The following TDRD6 variants were observed in gnomAD, a reference collection of about 807,000 sequenced individuals.
The protein encoded by TDRD6 is tudor domain containing 6, also known as tudor domain-containing protein 6.
A neutral mutation model predicts 157.5 loss-of-function variants in TDRD6; 186 were observed. That is an observed-to-expected ratio of 1.18 (90% CI 1.05 to 1.33). The LOEUF is 1.33. Ranked by LOEUF, TDRD6 falls within the 40% of genes most tolerant of loss-of-function variation. TDRD6 has a pLI of 0.00. For missense variants in TDRD6, 3,066 were observed against 2,508.0 expected (o/e 1.22, Z -4.75); for synonymous variants, 1,075 against 945.2 (o/e 1.14, Z -2.52).
Position 46,692,116 on chromosome 6 carries a change from G to C in TDRD6, c.3988G>C (p.Glu1330Gln). ...FYVQLIEDEA[E>Q]ISHLSERLNS... ...TGTTCAACTAATAGAAGATGAAGCT[G>C]AAATTAGTCATCTTTCAGAGAGATT... Residue 1330 changes from glutamate to glutamine, a missense_variant, in exon 1 of 4, where the codon GAA (glutamate) becomes CAA (glutamine). Glu to Gln is a conservative substitution (Grantham distance 29, BLOSUM62 2). Transcript: ENST00000316081. 6.2e-7 allele frequency: 1 copy of C among 1,613,508 alleles called. No homozygotes were observed. The highest frequency in any genetic ancestry group is 1.3e-5 in the African/African-American group (1 of 74,982).
At position 46,702,581 on chromosome 6, in the gene TDRD6, T is replaced by G. The variant is rs1296127680; in HGVS notation, c.*694T>G. 1 of 152,174 alleles carries G rather than the reference T, an allele frequency of 6.6e-6. No homozygotes were observed. Among genetic ancestry groups the G allele is most frequent in the African/African-American group, 2.4e-5 (1 of 41,452 alleles). 9.4% of individuals were successfully genotyped at this position (152,174 alleles called of 1,614,324 possible). A position where few individuals can be genotyped will look rare whatever the true frequency, so the allele number is the denominator to read the frequency against. On this transcript the variant is annotated 3_prime_UTR_variant, in exon 4 of 4. Transcript: ENST00000316081. ...TAGCTTATACTTTAAATGCATTTTTTCACTTTATTCATCAACTTTGAAGTG... is the reference window on the plus strand; with the variant it reads ...TAGCTTATACTTTAAATGCATTTTTGCACTTTATTCATCAACTTTGAAGTG...
At position 46,691,745 on chromosome 6, in the gene TDRD6, A is replaced by G; in HGVS notation, c.3617A>G (p.Lys1206Arg). The G allele has an allele frequency of 6.3e-7, 1 of 1,592,220 alleles. No individual in the cohort carries two copies. Among genetic ancestry groups the G allele is most frequent in the African/African-American group, 1.4e-5 (1 of 73,352 alleles). ...SKSVGYKLPN[K>R]EILEESYKPQ... ...TCAGTAGGGTACAAGTTACCTAATA[A>G]AGAAATTTTGGAAGAGTCATATAAA... The change falls in exon 1 of 4, where the codon AAA (lysine) becomes AGA (arginine). Residue 1206 changes from lysine to arginine, a missense_variant. Coordinates refer to ENST00000316081, the MANE Select transcript of TDRD6 (RefSeq NM_001010870.3).
At position 46,694,051 on chromosome 6, in the gene TDRD6, T is replaced by G. The variant is rs141487355; in HGVS notation, c.5923T>G (p.Cys1975Gly). 4.2e-5 allele frequency: 67 copies of G among 1,613,944 alleles called. No homozygotes were observed. In the African/African-American group the frequency reaches 8.3e-4, roughly 20 times the overall value. ...TAAAACACAGAATGAAATGAATATA[T>G]GTGAAGAAGAATTTGTAGAGTATAA... ...DPKTQNEMNI[C>G]EEEFVEYKNR... is the part of the protein sequence containing the mutation. Residue 1975 changes from cysteine (C) to glycine (G), a missense_variant, in exon 1 of 4, where the codon TGT (cysteine) becomes GGT (glycine). Cys to Gly is a radical substitution (Grantham distance 159, BLOSUM62 -3). Coordinates refer to ENST00000316081, the MANE Select transcript of TDRD6 (RefSeq NM_001010870.3).
chr6:46,690,958 T>C lies in TDRD6; in HGVS notation c.2830T>C (p.Phe944Leu), dbSNP rs1764296700. 4.3e-6 allele frequency: 7 copies of C among 1,614,140 alleles called. No individual in the cohort carries two copies. In the East Asian group the frequency reaches 1.6e-4, roughly 36 times the overall value. Residue 944 changes from phenylalanine (F) to leucine (L), a missense_variant, in exon 1 of 4, where the codon TTT becomes CTT. Coordinates refer to ENST00000316081, the MANE Select transcript of TDRD6 (RefSeq NM_001010870.3). ...TAACATTGTGGATTTGCTAACCCCC[T>C]TTCAGAGTGCATGCCATTTCTTGGT... is the stretch of plus-strand genomic sequence containing the variant. Reference protein sequence around the residue: ...LFNIVDLLTPFQSACHFLVEK... With the variant: ...LFNIVDLLTPLQSACHFLVEK...
Position 46,703,170 on chromosome 6 carries a change from T to C in TDRD6, c.*1283T>C, listed in dbSNP as rs1242048059. ...TTGGAATGCTTATTTCTAAAATGAA[T>C]AGGGAAAAGGTTTGCTAAATGAGAC... is the stretch of plus-strand genomic sequence containing the variant. On this transcript the variant is annotated 3_prime_UTR_variant, in exon 4 of 4. Transcript: ENST00000316081. 3 of 152,030 alleles carry C rather than the reference T, an allele frequency of 2.0e-5. No homozygotes were observed. Among genetic ancestry groups the C allele is most frequent in the African/African-American group, 4.8e-5 (2 of 41,422 alleles). 9.4% of individuals were successfully genotyped at this position (152,030 alleles called of 1,614,324 possible).
In TDRD6 at chr6:46,701,927, C is replaced by T. The variant is rs1376540790; in HGVS notation, c.*40C>T. The stretch of plus-strand genomic sequence containing the variant: ...CTGTGGCCAATCAGTCAGAAGCTGC[C>T]CTTGAACAAGTGGCATCTTACGCAG... On this transcript the variant is annotated 3_prime_UTR_variant, in exon 4 of 4. Transcript: ENST00000316081. 1.9e-6 allele frequency: 3 copies of T among 1,606,168 alleles called. No homozygotes were observed. The Admixed American group carries it at 5.0e-5, about 27-fold the overall frequency.
chr6:46,680,362 A>G, the TDRD6 span, among the ~76,000 whole-genome samples: 327 of 151,986 alleles, frequency 2.2e-3, 1 homozygote, highest in African/African-American at 7.5e-3. Context: ...GAAGTGATTG[A>G]ACTCTAGAAT....
At chr6:46,695,271 C>T (rs1209276617) in intron 1 of TDRD6, among the ~76,000 whole-genome samples, 1 of 152,090 alleles carries the variant, frequency 6.6e-6, no homozygotes, top group African/African-American at 2.4e-5. Flanking sequence ...GTTTTAAAAA[C>T]AATTTAGATC....
In TDRD6 at chr6:46,688,524, G is replaced by C. The variant is rs1370960769; in HGVS notation, c.396G>C (p.Ala132=). 6.4e-7 allele frequency: 1 copy of C among 1,569,600 alleles called. No homozygotes were observed. Among genetic ancestry groups the C allele is most frequent in the African/African-American group, 1.3e-5 (1 of 74,210 alleles). Residue 132 remains alanine, a synonymous_variant, in exon 1 of 4, where the codon GCG becomes GCC. Coordinates refer to ENST00000316081, the MANE Select transcript of TDRD6 (RefSeq NM_001010870.3). ...LPSEVLGCVL[A]GLVPAGCGAG... ...CGGAAGTGCTGGGCTGCGTGCTAGC[G>C]GGCCTGGTGCCGGCAGGCTGCGGCG...
At position 46,692,151 on chromosome 6, in the gene TDRD6, TAAAAC is replaced by T; in HGVS notation, c.4026_4030del (p.Thr1343AlafsTer23). 1 of 1,614,124 alleles carries T rather than the reference TAAAAC, an allele frequency of 6.2e-7. No homozygotes were observed. Among genetic ancestry groups the T allele is most frequent in the Non-Finnish European group, 8.5e-7 (1 of 1,179,992 alleles). On this transcript the variant is annotated frameshift_variant, in exon 1 of 4. Coordinates refer to ENST00000316081, the MANE Select transcript of TDRD6 (RefSeq NM_001010870.3). LOFTEE classifies it high-confidence loss of function. ...ATCTTTCAGAGAGATTAAACAGTGTTAAAACAAGGCCCGAATATTATGTAGGTCCA... is the reference window on the plus strand; with the variant it reads ...ATCTTTCAGAGAGATTAAACAGTGTTAAGGCCCGAATATTATGTAGGTCCA...
intron 3 of TDRD6, among the ~76,000 whole-genome samples, chr6:46,700,208 T>A (rs1409396360): frequency 6.6e-6 from 1 of 152,190 alleles, no homozygotes; most frequent in Non-Finnish European, 1.5e-5. Flanking sequence ...CTATTTAAAG[T>A]AGACATAAAA....
chr6:46,696,577 G>A (rs879536106), intron 2 of TDRD6, among the ~76,000 whole-genome samples: 2,635 of 46,742 alleles, frequency 0.056, 49 homozygotes, highest in African/African-American at 0.098. Context: ...GTGTGTGTGT[G>A]TGTGTATATA....
At position 46,692,017 on chromosome 6, in the gene TDRD6, C is replaced by T; in HGVS notation, c.3889C>T (p.Pro1297Ser). Residue 1297 changes from proline to serine, a missense_variant, in exon 1 of 4, where the codon CCA (proline) becomes TCA (serine). Coordinates refer to ENST00000316081, the MANE Select transcript of TDRD6 (RefSeq NM_001010870.3). ...TTTGCCTCTGAAATTTTGTGAGTTC[C>T]CACAGAAGACTATAATGCCTGGATT... Reference protein sequence around the residue: ...KDLPLKFCEFPQKTIMPGFKT... With the variant: ...KDLPLKFCEFSQKTIMPGFKT... 1 of 1,613,782 alleles carries T rather than the reference C, an allele frequency of 6.2e-7. No homozygotes were observed. Among genetic ancestry groups the T allele is most frequent in the Non-Finnish European group, 8.5e-7 (1 of 1,179,904 alleles).
Position 46,702,448 on chromosome 6 carries a change from A to C in TDRD6, c.*561A>C, listed in dbSNP as rs896215082. 1 of 152,184 alleles carries C rather than the reference A, an allele frequency of 6.6e-6. No individual in the cohort carries two copies. Among genetic ancestry groups the C allele is most frequent in the Admixed American group, 6.5e-5 (1 of 15,274 alleles). 9.4% of individuals were successfully genotyped at this position (152,184 alleles called of 1,614,324 possible). The stretch of plus-strand genomic sequence containing the variant: ...CTTAATATGATGGTCTCATTTTATT[A>C]AAAAGGAAATAGAACTCTTAAATAT... On this transcript the variant is annotated 3_prime_UTR_variant, in exon 4 of 4. Transcript: ENST00000316081.
In TDRD6 at chr6:46,689,686, A is replaced by C; in HGVS notation, c.1558A>C (p.Met520Leu). ...CACCTTCAGTAAGCTGATGAGGAGAATGTGTGGTTTCTATTCCTCTGCCAG... is the reference window on the plus strand; with the variant it reads ...CACCTTCAGTAAGCTGATGAGGAGACTGTGTGGTTTCTATTCCTCTGCCAG... ...NVTFSKLMRR[M>L]CGFYSSASKL... The change falls in exon 1 of 4, where the codon ATG becomes CTG. Residue 520 changes from methionine (M) to leucine (L), a missense_variant. Transcript: ENST00000316081. The C allele has an allele frequency of 6.2e-7, 1 of 1,614,216 alleles. No individual in the cohort carries two copies. Among genetic ancestry groups the C allele is most frequent in the African/African-American group, 1.3e-5 (1 of 75,048 alleles).
chr6:46,698,120 G>A, intron 3 of TDRD6, 33 bp downstream of exon 3: 1 of 1,429,596 alleles, frequency 7.0e-7, no homozygotes, highest in Non-Finnish European at 9.8e-7. Context: ...ATTAGTGAGA[G>A]CATTGTTCTT....
In TDRD6 at chr6:46,692,976, A is replaced by T; in HGVS notation, c.4848A>T (p.Ala1616=). 1 of 1,612,570 alleles carries T rather than the reference A, an allele frequency of 6.2e-7. No homozygotes were observed. The highest frequency in any genetic ancestry group is 8.5e-7 in the Non-Finnish European group (1 of 1,179,104). ...TTGAAGACTGTGTGGACCCAAAAGC[A>T]CTCTGGGCCATTCCTTCTGAACTTC... ...GNIEDCVDPK[A]LWAIPSELLS... Residue 1616 remains alanine, a synonymous_variant, in exon 1 of 4, where the codon GCA becomes GCT. Transcript: ENST00000316081.
intron 2 of TDRD6, among the ~76,000 whole-genome samples, chr6:46,696,577 G>GTA (rs1203164399): frequency 8.5e-5 from 4 of 47,252 alleles, no homozygotes; most frequent in Non-Finnish European, 1.1e-4. Context: ...GTGTGTGTGT[G>GTA]TGTGTATATA....
In TDRD6 at chr6:46,692,281, G is replaced by A. The variant is rs1262540109; in HGVS notation, c.4153G>A (p.Val1385Met). 1.1e-5 allele frequency: 17 copies of A among 1,614,098 alleles called. No homozygotes were observed. In the East Asian group the frequency reaches 3.8e-4, roughly 36 times the overall value. ...GCAACAACCCAATGACCTTCTCTCT[G>A]TGCAGTTTATAGATTATGGCAATGT... ...KEQQPNDLLS[V>M]QFIDYGNVSV... The change falls in exon 1 of 4, where the codon GTG becomes ATG. Residue 1385 changes from valine to methionine, a missense_variant. Transcript: ENST00000316081.
Sources: gnomAD v4.1 joint callset for allele counts (sites outside exome capture counted in the v4.1 genomes callset) on GRCh38, gnomAD v4.1.1 for gene constraint, MANE v1.5 for transcripts, NCBI Gene and HGNC (gene_info 2026-07-23, HGNC 2026-07-21) for gene names.